Variants in FMN2 observed in about 807,000 individuals in gnomAD.
The protein encoded by FMN2 is formin 2.
FMN2 carries 51 observed loss-of-function variants against 142.3 expected under a neutral mutation model. The observed-to-expected ratio is 0.36, with a 90% confidence interval of 0.29 to 0.45. FMN2 has a LOEUF of 0.45. Among genes scored for constraint, FMN2 ranks in the 20% least tolerant of loss-of-function variants. The probability of loss-of-function intolerance (pLI) is 1.00; values close to 1 mark genes in which losing one functional copy is unlikely to be tolerated. For missense variants in FMN2, 1,936 were observed against 2,122.8 expected (o/e 0.91, Z 1.73); for synonymous variants, 882 against 869.8 (o/e 1.01, Z -0.25).
At chr1:240,203,256 A>T (rs1267229989) in intron 4 of FMN2, among the ~76,000 whole-genome samples, 1 of 152,190 alleles carries the variant, frequency 6.6e-6, no homozygotes, top group Admixed American at 6.5e-5. Flanking sequence ...CAGTGTGGCA[A>T]TTCCTAGACC....
intron 4 of FMN2, among the ~76,000 whole-genome samples, chr1:240,201,459 T>C (rs1558356176): frequency 6.6e-6 from 1 of 152,200 alleles, no homozygotes; most frequent in South Asian, 2.1e-4. Context: ...AGAATGATGA[T>C]GTGACAGATG....
intron 7 of FMN2, among the ~76,000 whole-genome samples, chr1:240,287,041 A>C (rs1355369226): frequency 6.6e-6 from 1 of 152,198 alleles, no homozygotes; most frequent in Non-Finnish European, 1.5e-5. Context: ...TTTACAAAAG[A>C]GATAACAAAT....
chr1:240,198,494 T>C (rs1666005208), intron 4 of FMN2, among the ~76,000 whole-genome samples: 1 of 152,202 alleles, frequency 6.6e-6, no homozygotes, highest in South Asian at 2.1e-4. Flanking sequence ...TTCAGAAATA[T>C]TATAATTTCC....
At chr1:240,436,648 G>T (rs1453897574) in intron 15 of FMN2, among the ~76,000 whole-genome samples, 1 of 147,188 alleles carries the variant, frequency 6.8e-6, no homozygotes, top group Admixed American at 6.9e-5. Flanking sequence ...TTGCACTCTA[G>T]CCTGGGTGAC....
rs529759066 is a variant in FMN2, at chr1:240,347,175, C to T, written c.4766-8641C>T. On this transcript the variant is annotated intron_variant, in intron 13 of 17. Transcript: ENST00000319653. Reference sequence around the variant, plus strand: ...ATTTAACATAGAGAATGAAGTTAAACACACGTTGAAGGATGTTAAATGCAG... The same window carrying T: ...ATTTAACATAGAGAATGAAGTTAAATACACGTTGAAGGATGTTAAATGCAG... Among the ~76,000 whole-genome samples, 394 of 152,278 alleles carry T rather than the reference C, an allele frequency of 2.6e-3. 3 individuals are homozygous for T. The highest frequency in any genetic ancestry group is 8.7e-3 in the African/African-American group (361 of 41,548).
intron 2 of FMN2, among the ~76,000 whole-genome samples, chr1:240,157,873 A>G (rs1243535519): frequency 6.6e-6 from 1 of 150,982 alleles, no homozygotes; most frequent in African/African-American, 2.4e-5. Context: ...GTGGTGGCTC[A>G]CTCCTGTAAT....
At chr1:240,291,374 T>C (rs1382330872) in intron 7 of FMN2, among the ~76,000 whole-genome samples, 3 of 75,110 alleles carry the variant, frequency 4.0e-5, no homozygotes, top group South Asian at 4.5e-4. Flanking sequence ...CTGCAGGGGG[T>C]GGGTGGGGGT....
At chr1:240,456,299 A>G (rs977982207) in intron 16 of FMN2, among the ~76,000 whole-genome samples, 1 of 152,172 alleles carries the variant, frequency 6.6e-6, no homozygotes, top group Non-Finnish European at 1.5e-5. Context: ...TCATGAGGCT[A>G]TGTACAGTCT....
chr1:240,219,677 C>T (rs544365163), intron 6 of FMN2, among the ~76,000 whole-genome samples: 48 of 150,718 alleles, frequency 3.2e-4, no homozygotes, highest in Non-Finnish European at 6.0e-4. Context: ...TTTTTTGAGA[C>T]GGGGTCTCAC....
chr1:240,432,207 T>C (rs995177752), intron 15 of FMN2, among the ~76,000 whole-genome samples: 1 of 151,980 alleles, frequency 6.6e-6, no homozygotes, highest in African/African-American at 2.4e-5. Context: ...ACTTATATTT[T>C]CTGTTTCTTT....
At position 240,092,363 on chromosome 1, in the gene FMN2, C is replaced by G; in HGVS notation, c.254C>G (p.Ser85Cys). ...FSNLRIRKNL[S>C]KGKGAGGSRE... ...AACCTGCGGATCAGGAAGAATCTGT[C>G]CAAGGGGAAAGGCGCCGGCGGCTCC... The change falls in exon 1 of 18, where the codon TCC becomes TGC. Residue 85 changes from serine (S) to cysteine (C), a missense_variant. Transcript: ENST00000319653. 6.2e-7 allele frequency: 1 copy of G among 1,609,268 alleles called. No homozygotes were observed.
intron 13 of FMN2, among the ~76,000 whole-genome samples, chr1:240,342,798 C>A (rs1671784814): frequency 6.6e-6 from 1 of 152,052 alleles, no homozygotes; most frequent in Non-Finnish European, 1.5e-5. Context: ...AAAGTAGATT[C>A]TTTCCTCATA....
intron 8 of FMN2, among the ~76,000 whole-genome samples, chr1:240,304,234 T>A (rs77657598): frequency 6.6e-6 from 1 of 152,224 alleles, no homozygotes; most frequent in South Asian, 2.1e-4. Context: ...TCTTTGTATG[T>A]CTTGTGATTT....
intron 14 of FMN2, among the ~76,000 whole-genome samples, chr1:240,362,137 A>G (rs1672508711): frequency 6.6e-6 from 1 of 152,182 alleles, no homozygotes. Flanking sequence ...ATAGAAGTGA[A>G]GAACTAGTGT....
At chr1:240,334,316 A>G (rs1671489964) in intron 13 of FMN2, 87 bp downstream of exon 13, 8 of 1,378,552 alleles carry the variant, frequency 5.8e-6, no homozygotes, top group Non-Finnish European at 6.7e-6. Context: ...GAGAAAAGTA[A>G]TCTTTTTTAT....
intron 8 of FMN2, among the ~76,000 whole-genome samples, chr1:240,327,997 A>C (rs554494314): frequency 6.6e-6 from 1 of 151,900 alleles, no homozygotes; most frequent in East Asian, 1.9e-4. Context: ...AAATACAAAA[A>C]ATGAGCCAGG....
chr1:240,093,443 G>A lies in FMN2; in HGVS notation c.1334G>A (p.Arg445Lys). 3 of 1,613,254 alleles carry A rather than the reference G, an allele frequency of 1.9e-6. No homozygotes were observed. The highest frequency in any genetic ancestry group is 2.5e-6 in the Non-Finnish European group (3 of 1,179,636). ...CCTAATCAGAGCCCCAGGATCAAGA[G>A]GCGGCCGGAACCCTCCCTGAGCCGA... ...QSPNQSPRIK[R>K]RPEPSLSRGS... The change falls in exon 1 of 18, where the codon AGG becomes AAG. Residue 445 changes from arginine to lysine, a missense_variant. By Grantham distance (26) the Arg-to-Lys change is conservative. This residue lies in a region of FMN2 where 751 missense variants were observed against 791.8 expected (regional missense o/e 0.95). Transcript: ENST00000319653.
chr1:240,125,734 T>A lies in FMN2; in HGVS notation c.1782+2389T>A, dbSNP rs954913032. Among the ~76,000 whole-genome samples, 5 of 152,224 alleles carry A rather than the reference T, an allele frequency of 3.3e-5. No individual in the cohort carries two copies. The East Asian group carries it at 9.6e-4, about 29-fold the overall frequency. On this transcript the variant is annotated intron_variant, in intron 2 of 17. Transcript: ENST00000319653. ...CCTATTTCTTTCTCTCTCTCTTTTT[T>A]AAAATCAACTAACCTGGTTGTTTCT...
intron 6 of FMN2, among the ~76,000 whole-genome samples, chr1:240,255,023 C>T (rs1668402995): frequency 1.3e-5 from 2 of 152,308 alleles, no homozygotes; most frequent in South Asian, 2.1e-4. Flanking sequence ...AGGGCCTGTG[C>T]AGGCCGCGGG....
Sources: gnomAD v4.1 joint callset for allele counts (sites outside exome capture counted in the v4.1 genomes callset) on GRCh38, gnomAD v4.1.1 for gene constraint, gnomAD v4.1.1 regional missense constraint, MANE v1.5 for transcripts, NCBI Gene and HGNC (gene_info 2026-07-23, HGNC 2026-07-21) for gene names.